HOMER2: variants seen among roughly 807,000 people sequenced by gnomAD.
HOMER2 encodes the protein homer scaffold protein 2, also known as homer protein homolog 2.
In HOMER2, 27 loss-of-function variants were observed where a neutral mutation model predicts 47.0. That is an observed-to-expected ratio of 0.57 (90% CI 0.42 to 0.79). The LOEUF is 0.79. Ranked by LOEUF, HOMER2 falls within the 30% of genes least tolerant of loss-of-function variation. The pLI is 0.00. For missense variants in HOMER2, 443 were observed against 435.0 expected, an observed-to-expected ratio of 1.02 and a Z score of -0.16; for synonymous variants, 161 against 163.8, an observed-to-expected ratio of 0.98 and a Z score of 0.13.
At chr15:82,897,196 G>A (rs907273524) in intron 1 of HOMER2, among the ~76,000 whole-genome samples, 10 of 148,950 alleles carry the variant, frequency 6.7e-5, no homozygotes, top group African/African-American at 2.2e-4. Flanking sequence ...CTCCCAAGTA[G>A]CTGGGATTAC....
At chr15:82,858,248 G>GT (rs1353067910) in intron 5 of HOMER2, among the ~76,000 whole-genome samples, 2 of 151,748 alleles carry the variant, frequency 1.3e-5, no homozygotes, top group Non-Finnish European at 2.9e-5. Flanking sequence ...TATTTTAATA[G>GT]TTTATGTTTT....
rs1157139996 is a variant in HOMER2, at chr15:82,849,491, T to A, written c.*224A>T. The A allele has an allele frequency of 3.2e-5, 18 of 560,476 alleles. No homozygotes were observed. Among genetic ancestry groups the A allele is most frequent in the Non-Finnish European group, 3.8e-5 (12 of 316,246 alleles). 34.7% of individuals were successfully genotyped at this position (560,476 alleles called of 1,614,324 possible). Reference sequence around the variant, plus strand: ...TGTTGAAGGTAGACCTAGTTCTGGATTCCTGAGTCAGAATCTTCCAGTTGT... The same window carrying A: ...TGTTGAAGGTAGACCTAGTTCTGGAATCCTGAGTCAGAATCTTCCAGTTGT... On this transcript the variant is annotated 3_prime_UTR_variant, in exon 9 of 9. Transcript: ENST00000450735.
chr15:82,893,329 C>CTTTTTTTTTTTTTT (rs771392216), intron 1 of HOMER2, among the ~76,000 whole-genome samples: 2 of 118,960 alleles, frequency 1.7e-5, no homozygotes, highest in Non-Finnish European at 3.4e-5. Context: ...ATAATTTTAT[C>CTTTTTTTTTTTTTT]TTTTTTTTTT....
At position 82,875,154 on chromosome 15, in the gene HOMER2, G is replaced by A. The variant is rs1596317534; in HGVS notation, c.294+119C>T. 5.7e-6 allele frequency: 7 copies of A among 1,225,112 alleles called. No individual in the cohort carries two copies. The East Asian group carries it at 1.7e-4, about 29-fold the overall frequency. The allele number at this position is 1,225,112 out of a possible 1,614,324, so 75.9% of individuals were successfully genotyped here. ...TGGCAGCCCCGTGATGCCAGGAGGA[G>A]TGAAACCAAAGACCAGAAAGGAATC... is the stretch of plus-strand genomic sequence containing the variant. On this transcript the variant is annotated intron_variant, in intron 3 of 8. Transcript: ENST00000450735.
At chr15:82,864,045 G>T in intron 4 of HOMER2, 122 bp downstream of exon 4, 1 of 605,958 alleles carries the variant, frequency 1.7e-6, no homozygotes, top group Non-Finnish European at 2.9e-6. Flanking sequence ...CAGGCTAATA[G>T]TTGAAAAAGC....
At chr15:82,893,419 G>A (rs1339732844) in intron 1 of HOMER2, among the ~76,000 whole-genome samples, 6 of 136,390 alleles carry the variant, frequency 4.4e-5, no homozygotes, top group Non-Finnish European at 7.6e-5. Context: ...TGCAATCTCC[G>A]CCTCCCGGGT....
intron 1 of HOMER2, among the ~76,000 whole-genome samples, chr15:82,974,737 C>G (rs1278668356): frequency 6.6e-6 from 1 of 152,132 alleles, no homozygotes; most frequent in African/African-American, 2.4e-5. Context: ...AGAATTAGGA[C>G]CCACTGTGAG....
chr15:82,877,943 C>T (rs1381517260), intron 2 of HOMER2, among the ~76,000 whole-genome samples: 1 of 152,042 alleles, frequency 6.6e-6, no homozygotes, highest in South Asian at 2.1e-4. Context: ...CAGCCCCAAG[C>T]AGGGTGGATA....
At chr15:82,892,555 G>T in intron 2 of HOMER2, 130 bp downstream of exon 2, 1 of 677,648 alleles carries the variant, frequency 1.5e-6, no homozygotes, top group African/African-American at 1.8e-5. Context: ...AAGTTTAAAT[G>T]CAAAAAGAAC....
At chr15:82,945,390 T>C (rs2054353926) in intron 1 of HOMER2, among the ~76,000 whole-genome samples, 1 of 152,154 alleles carries the variant, frequency 6.6e-6, no homozygotes, top group Admixed American at 6.5e-5. Context: ...TATTTTAAGT[T>C]GGAAAAATTA....
chr15:82,893,979 T>C (rs1201102941), intron 1 of HOMER2, among the ~76,000 whole-genome samples: 1 of 152,200 alleles, frequency 6.6e-6, no homozygotes, highest in Non-Finnish European at 1.5e-5. Context: ...TCTCTGTATC[T>C]CTTCAGTCTA....
In HOMER2 at chr15:82,860,118, T is replaced by G. The variant is rs1055336889; in HGVS notation, c.388-983A>C. Among the ~76,000 whole-genome samples, 3 of 151,996 alleles carry G rather than the reference T, an allele frequency of 2.0e-5. No homozygotes were observed. The South Asian group carries it at 6.3e-4, about 32-fold the overall frequency. On this transcript the variant is annotated intron_variant, in intron 4 of 8. Coordinates refer to ENST00000450735, the MANE Select transcript of HOMER2 (RefSeq NM_004839.4). ...CAAAAGTTAGTCAGGCGTGGTGGCA[T>G]GCACCTGTAATCACAGCTGCTCGGG...
At chr15:82,845,217 TTCACACACACACACAC>T (rs1338241847), downstream of HOMER2, 6 of 89,144 alleles carry the variant, frequency 6.7e-5, no homozygotes, top group African/African-American at 2.9e-4. Context: ...TTGCTGTTTC[TTCACACACACACACAC>T]ACACACACAC....
chr15:82,952,870 C>G (rs970724316), upstream of HOMER2: 1 of 250,480 alleles, frequency 4.0e-6, no homozygotes, highest in African/African-American at 2.3e-5. Flanking sequence ...TGTGCACCGT[C>G]CCCCGCGCAG....
chr15:82,910,937 G>GA (rs141324800), intron 1 of HOMER2, among the ~76,000 whole-genome samples: 89,500 of 151,658 alleles, frequency 0.59, 27,901 homozygotes, highest in African/African-American at 0.79. Flanking sequence ...AGTAAGGGAG[G>GA]AGGGTTCAGG....
At chr15:82,975,481 G>A (rs774458709) in intron 1 of HOMER2, among the ~76,000 whole-genome samples, 2 of 152,134 alleles carry the variant, frequency 1.3e-5, no homozygotes, top group Non-Finnish European at 2.9e-5. Flanking sequence ...ACAGACAATT[G>A]GATAAACAAA....
intron 1 of HOMER2, among the ~76,000 whole-genome samples, chr15:82,912,619 G>A (rs2053481579): frequency 6.6e-6 from 1 of 152,202 alleles, no homozygotes; most frequent in Admixed American, 6.5e-5. Context: ...GAGTGGCATT[G>A]TTAAGTCATA....
intron 1 of HOMER2, among the ~76,000 whole-genome samples, chr15:82,982,013 A>T (rs930892714): frequency 6.6e-6 from 1 of 152,222 alleles, no homozygotes; most frequent in African/African-American, 2.4e-5. Flanking sequence ...TATGTTACAT[A>T]TATTTTACCA....
At chr15:82,877,434 T>A (rs964777647) in intron 2 of HOMER2, among the ~76,000 whole-genome samples, 5 of 152,084 alleles carry the variant, frequency 3.3e-5, no homozygotes, top group African/African-American at 9.7e-5. Flanking sequence ...CCTCCCAAAG[T>A]GTGGGATTAC....
Sources: allele counts gnomAD v4.1 joint callset (sites outside exome capture counted in the v4.1 genomes callset), GRCh38; gene constraint gnomAD v4.1.1; transcripts MANE v1.5; gene names NCBI Gene and HGNC (gene_info 2026-07-23, HGNC 2026-07-21).